ABRAXAS2: variants seen among roughly 807,000 people sequenced by gnomAD.
The protein encoded by ABRAXAS2 is BRISC complex subunit Abraxas 2.
Under a neutral mutation model 49.0 loss-of-function variants are expected in ABRAXAS2, and 23 were observed. The ratio of observed to expected loss-of-function variants is 0.47; its 90% CI spans 0.34 to 0.66. The LOEUF (loss-of-function observed/expected upper bound fraction) is 0.66. Ranked by LOEUF, ABRAXAS2 falls within the 30% of genes least tolerant of loss-of-function variation. The pLI is 0.01. For synonymous variants in ABRAXAS2, 168 were observed against 180.2 expected, an observed-to-expected ratio of 0.93 and a Z score of 0.54; for missense variants, 443 against 511.9, an observed-to-expected ratio of 0.87 and a Z score of 1.30.
intron 4 of ABRAXAS2, among the ~76,000 whole-genome samples, chr10:124,821,113 A>G (rs1270812894): frequency 6.6e-6 from 1 of 151,826 alleles, no homozygotes; most frequent in African/African-American, 2.4e-5. Context: ...GGGTTTTGCC[A>G]TGTTGCTCAG....
chr10:124,806,392 A>G (rs1950744382), intron 1 of ABRAXAS2, among the ~76,000 whole-genome samples: 1 of 151,992 alleles, frequency 6.6e-6, no homozygotes, highest in Non-Finnish European at 1.5e-5. Flanking sequence ...CTAATTTTCT[A>G]TGCCAGCCTG....
Position 124,835,240 on chromosome 10 carries a change from T to G in ABRAXAS2, c.*269T>G. On this transcript the variant is annotated 3_prime_UTR_variant, in exon 9 of 9. Coordinates refer to ENST00000298492, the MANE Select transcript of ABRAXAS2 (RefSeq NM_032182.4). ...GATATACTGGTAAATTTAGGCAAAG[T>G]GAAACTTATCAGCGTAGTTTCTGTT... is the stretch of plus-strand genomic sequence containing the variant. 3.3e-6 allele frequency: 1 copy of G among 306,316 alleles called. No individual in the cohort carries two copies. Among genetic ancestry groups the G allele is most frequent in the Non-Finnish European group, 6.0e-6 (1 of 166,586 alleles). 19.0% of individuals were successfully genotyped at this position (306,316 alleles called of 1,614,324 possible).
chr10:124,816,781 G>A (rs2629555), intron 3 of ABRAXAS2, among the ~76,000 whole-genome samples, 169 bp downstream of exon 3: 1 of 152,154 alleles, frequency 6.6e-6, no homozygotes, highest in African/African-American at 2.4e-5. Flanking sequence ...GAAAAGGGAA[G>A]GGAAGAGTGT....
chr10:124,808,480 G>A (rs1013283112), intron 2 of ABRAXAS2, among the ~76,000 whole-genome samples: 17 of 151,778 alleles, frequency 1.1e-4, no homozygotes, highest in African/African-American at 4.1e-4. Context: ...CTGGCTATGC[G>A]GCAAACATTT....
At chr10:124,830,580 A>C (rs1299128548) in intron 7 of ABRAXAS2, among the ~76,000 whole-genome samples, 1 of 152,230 alleles carries the variant, frequency 6.6e-6, no homozygotes, top group East Asian at 1.9e-4. Flanking sequence ...TTTCCAGTCT[A>C]GTGTTCCAAA....
At chr10:124,806,319 A>G (rs1378213687) in intron 1 of ABRAXAS2, among the ~76,000 whole-genome samples, 1 of 152,104 alleles carries the variant, frequency 6.6e-6, no homozygotes, top group African/African-American at 2.4e-5. Flanking sequence ...AAAAAAAGAA[A>G]AAAAAAAAGA....
intron 1 of ABRAXAS2, 97 bp downstream of exon 1, chr10:124,801,998 C>T: frequency 1.5e-6 from 2 of 1,291,006 alleles, no homozygotes; most frequent in Non-Finnish European, 2.2e-6. Context: ...CGGCTCGCCC[C>T]CTGGGCACCA....
At chr10:124,811,341 A>C (rs1465677420) in intron 2 of ABRAXAS2, among the ~76,000 whole-genome samples, 1 of 152,224 alleles carries the variant, frequency 6.6e-6, no homozygotes, top group Admixed American at 6.5e-5. Context: ...TGCCACCTGC[A>C]GTTAACGGAC....
chr10:124,808,928 C>T (rs1789653765), intron 2 of ABRAXAS2, among the ~76,000 whole-genome samples: 1 of 151,988 alleles, frequency 6.6e-6, no homozygotes, highest in South Asian at 2.1e-4. Flanking sequence ...GTTGGGAGTT[C>T]AAGACCAGCC....
chr10:124,831,532 A>G (rs1950932632), intron 8 of ABRAXAS2, 69 bp downstream of exon 8: 5 of 813,772 alleles, frequency 6.1e-6, no homozygotes, highest in Middle Eastern at 3.0e-4. Flanking sequence ...ATTATACTAT[A>G]CAATAAATTA....
intron 2 of ABRAXAS2, among the ~76,000 whole-genome samples, chr10:124,807,388 C>T (rs997244404): frequency 1.3e-5 from 2 of 150,366 alleles, no homozygotes; most frequent in African/African-American, 2.4e-5. Context: ...CATGGTGGCT[C>T]ATGCCTGTAA....
In ABRAXAS2 at chr10:124,806,895, G is replaced by A; in HGVS notation, c.137G>A (p.Ser46Asn). The change falls in exon 2 of 9, where the codon AGC (serine) becomes AAC (asparagine). Residue 46 changes from serine (S) to asparagine (N), a missense_variant. Ser to Asn is a conservative substitution (Grantham distance 46). Coordinates refer to ENST00000298492, the MANE Select transcript of ABRAXAS2 (RefSeq NM_032182.4). ...ETFSISDSQISNTEFLQVIEI... is the reference protein window; with the variant it reads ...ETFSISDSQINNTEFLQVIEI... Reference sequence around the variant, plus strand: ...TTTAGCATCAGTGACTCACAAATCAGCAACACAGAATTTCTGCAAGTAATT... The same window carrying A: ...TTTAGCATCAGTGACTCACAAATCAACAACACAGAATTTCTGCAAGTAATT... 6.2e-7 allele frequency: 1 copy of A among 1,611,388 alleles called. No homozygotes were observed. Among genetic ancestry groups the A allele is most frequent in the Non-Finnish European group, 8.5e-7 (1 of 1,178,354 alleles).
Position 124,834,416 on chromosome 10 carries a change from G to A in ABRAXAS2, c.779-86G>A, listed in dbSNP as rs189439916. 1,361 of 1,155,418 alleles carry A rather than the reference G, an allele frequency of 1.2e-3. 2 individuals are homozygous for A. Among genetic ancestry groups the A allele is most frequent in the Non-Finnish European group, 1.5e-3 (1,245 of 821,094 alleles). 71.6% of individuals were successfully genotyped at this position (1,155,418 alleles called of 1,614,324 possible). On this transcript the variant is annotated intron_variant, in intron 8 of 8. Coordinates refer to ENST00000298492, the MANE Select transcript of ABRAXAS2 (RefSeq NM_032182.4). ...TTCATTGCCTCACTGCTATTTTCCA[G>A]AACATTCAGGTTGGCCGTGTTATAC...
Position 124,816,598 on chromosome 10 carries a change from T to C in ABRAXAS2, c.186T>C (p.Cys62=). Residue 62 remains cysteine, a synonymous_variant, in exon 3 of 9, where the codon TGT becomes TGC. Transcript: ENST00000298492. ...QVIEIHNHQP[C]SKLFSFYDYA... The stretch of plus-strand genomic sequence containing the variant: ...CAGAAATCCATAACCATCAGCCTTG[T>C]TCAAAACTTTTTAGGTAAGCCATAT... 1 of 1,602,834 alleles carries C rather than the reference T, an allele frequency of 6.2e-7. No homozygotes were observed.
In ABRAXAS2 at chr10:124,831,378, G is replaced by A; in HGVS notation, c.693G>A (p.Glu231=). Residue 231 remains glutamate, a synonymous_variant, in exon 8 of 9, where the codon GAG becomes GAA. Coordinates refer to ENST00000298492, the MANE Select transcript of ABRAXAS2 (RefSeq NM_032182.4). ...QAVCADVEKS[E]RVVESCQAEV... is the part of the protein sequence containing the mutation. ...TGTGTGCAGATGTTGAAAAGAGTGA[G>A]CGAGTTGTTGAATCTTGTCAGGCAG... 3.1e-6 allele frequency: 5 copies of A among 1,612,898 alleles called. No homozygotes were observed. The highest frequency in any genetic ancestry group is 2.2e-5 in the East Asian group (1 of 44,872).
chr10:124,804,748 C>CT (rs1267311896), intron 1 of ABRAXAS2, among the ~76,000 whole-genome samples: 2 of 132,616 alleles, frequency 1.5e-5, no homozygotes, highest in Admixed American at 1.8e-4. Context: ...GAGTCTTGCT[C>CT]TGTCACCCAG....
chr10:124,831,187 A>T (rs907530236), intron 7 of ABRAXAS2, among the ~76,000 whole-genome samples, 162 bp from the exon 8 acceptor site: 2 of 152,188 alleles, frequency 1.3e-5, no homozygotes, highest in African/African-American at 4.8e-5. Context: ...AATAATAACA[A>T]TTCTAGTCTT....
intron 4 of ABRAXAS2, among the ~76,000 whole-genome samples, chr10:124,822,501 A>G (rs1013211494): frequency 2.6e-5 from 4 of 152,188 alleles, no homozygotes; most frequent in Non-Finnish European, 4.4e-5. Context: ...ATTGAAAACA[A>G]AGATTCTACA....
At chr10:124,818,700 G>T (rs1950841603) in intron 3 of ABRAXAS2, among the ~76,000 whole-genome samples, 1 of 152,158 alleles carries the variant, frequency 6.6e-6, no homozygotes, top group African/African-American at 2.4e-5. Flanking sequence ...CCCATGTCCA[G>T]TAGTAGAGGA....
Sources: allele counts gnomAD v4.1 joint callset (sites outside exome capture counted in the v4.1 genomes callset), GRCh38; gene constraint gnomAD v4.1.1; transcripts MANE v1.5; gene names NCBI Gene and HGNC (gene_info 2026-07-23, HGNC 2026-07-21).